ANKRD26: variants seen among roughly 807,000 people sequenced by gnomAD.
The protein encoded by ANKRD26 is ankyrin repeat domain 26.
Under a neutral mutation model 208.7 loss-of-function variants are expected in ANKRD26, and 141 were observed. The observed-to-expected ratio is 0.68, with a 90% CI of 0.59 to 0.78. ANKRD26 has a LOEUF of 0.78. Ranked by LOEUF, ANKRD26 falls within the 30% of genes least tolerant of loss-of-function variation. The pLI, the probability that ANKRD26 is intolerant of heterozygous loss-of-function variation, is 0.00. For missense variants in ANKRD26, 1,889 were observed against 1,938.7 expected (o/e 0.97, Z 0.48); for synonymous variants, 636 against 660.4 (o/e 0.96, Z 0.57).
At chr10:27,033,062 A>G (rs2053928881) in intron 25 of ANKRD26, among the ~76,000 whole-genome samples, 163 bp downstream of exon 25, 2 of 151,464 alleles carry the variant, frequency 1.3e-5, no homozygotes, top group Admixed American at 6.6e-5. Flanking sequence ...CAGCCTGGGC[A>G]ATAGAACGAG....
At chr10:27,010,334 T>C (rs7919621) in intron 32 of ANKRD26, among the ~76,000 whole-genome samples, 74,653 of 151,990 alleles carry the variant, frequency 0.49, 20,386 homozygotes, top group Non-Finnish European at 0.62. Context: ...CCCAAAAAAA[T>C]CAATTAAGGA....
chr10:27,005,843 C>T lies in ANKRD26; in HGVS notation c.5000-120G>A, dbSNP rs540682248. 24 of 1,246,866 alleles carry T rather than the reference C, an allele frequency of 1.9e-5. No individual in the cohort carries two copies. The South Asian group carries it at 3.9e-4, about 20-fold the overall frequency. 77.2% of individuals were successfully genotyped at this position (1,246,866 alleles called of 1,614,324 possible). A position where few individuals can be genotyped will look rare whatever the true frequency, so the allele number is the denominator to read the frequency against. On this transcript the variant is annotated intron_variant, in intron 33 of 33. Coordinates refer to ENST00000376087, the MANE Select transcript of ANKRD26 (RefSeq NM_014915.3). ...TTAATAAGAAAGAAAAATATGTATG[C>T]ACAACTATTATACAATATTACTATT...
chr10:26,987,789 G>A (rs2052415186), downstream of ANKRD26, among the ~76,000 whole-genome samples: 1 of 152,138 alleles, frequency 6.6e-6, no homozygotes, highest in Non-Finnish European at 1.5e-5. Context: ...GTTTAGAAGG[G>A]TCTCAAGAGA....
the ANKRD26 span, among the ~76,000 whole-genome samples, chr10:26,957,168 G>A: frequency 1.3e-5 from 2 of 152,178 alleles, no homozygotes; most frequent in South Asian, 4.1e-4. Context: ...AGCATTTTGT[G>A]AGGCAGAGGC....
chr10:27,082,701 T>C (rs770219748), intron 6 of ANKRD26, 102 bp downstream of exon 6: 49 of 1,454,574 alleles, frequency 3.4e-5, no homozygotes, highest in Non-Finnish European at 4.3e-5. Flanking sequence ...GACGACTATA[T>C]GGAGAAGCAC....
chr10:26,975,842 AAAATAAATAAATAAATAATAAAT>A lies in ANKRD26; in HGVS notation c.*459_*481del, dbSNP rs1417367981. ...GGGTGACAGAGTGAGTATCCACCTTAAAATAAATAAATAAATAATAAATAAATAAATAAATAATAAATAAATGA... is the reference window on the plus strand; with the variant it reads ...GGGTGACAGAGTGAGTATCCACCTTAAAATAAATAAATAATAAATAAATGA... On this transcript the variant is annotated 3_prime_UTR_variant and NMD_transcript_variant, in exon 6 of 6. Transcript: ENST00000674670. 4.5e-4 allele frequency among the ~76,000 whole-genome samples: 69 copies of A among 151,676 alleles called. No individual in the cohort carries two copies. The East Asian group carries it at 0.011, about 24-fold the overall frequency.
chr10:26,991,023 A>G (rs575388424), downstream of ANKRD26, among the ~76,000 whole-genome samples: 43 of 152,340 alleles, frequency 2.8e-4, no homozygotes, highest in African/African-American at 1.0e-3. Context: ...GACTTCCTTG[A>G]TGGAAGCCAG....
intron 12 of ANKRD26, among the ~76,000 whole-genome samples, chr10:27,061,559 ATTTTTTT>A (rs11399797): frequency 3.7e-5 from 5 of 134,232 alleles, no homozygotes; most frequent in Non-Finnish European, 7.8e-5. Flanking sequence ...TGCAACATCT[ATTTTTTT>A]TTTTTTTTTT....
the ANKRD26 span, among the ~76,000 whole-genome samples, chr10:26,955,765 C>T: frequency 2.6e-5 from 4 of 152,280 alleles, no homozygotes; most frequent in African/African-American, 9.6e-5. Context: ...GTGTATGCAA[C>T]AAGTGAGAAC....
the ANKRD26 span, among the ~76,000 whole-genome samples, chr10:26,948,602 T>A: frequency 6.6e-6 from 1 of 152,248 alleles, no homozygotes; most frequent in Non-Finnish European, 1.5e-5. Flanking sequence ...AATATCTTTA[T>A]GATCATTTTT....
At chr10:27,068,761 TA>T (rs2055362109) in intron 9 of ANKRD26, among the ~76,000 whole-genome samples, 1 of 150,530 alleles carries the variant, frequency 6.6e-6, no homozygotes, top group Non-Finnish European at 1.5e-5. Context: ...TAAACATAGA[TA>T]AACATGGGGG....
chr10:26,958,774 C>T, the ANKRD26 span, among the ~76,000 whole-genome samples: 10 of 152,084 alleles, frequency 6.6e-5, no homozygotes, highest in African/African-American at 1.9e-4. Context: ...TGAACATACA[C>T]GTCTATGTCT....
intron 32 of ANKRD26, 36 bp downstream of exon 32, chr10:27,012,846 T>C: frequency 6.3e-7 from 1 of 1,578,592 alleles, no homozygotes; most frequent in Middle Eastern, 1.7e-4. Flanking sequence ...ACATGAGAAA[T>C]TTGAAACCCA....
chr10:27,098,609 C>T (rs1482314978), intron 1 of ANKRD26, among the ~76,000 whole-genome samples: 5 of 148,786 alleles, frequency 3.4e-5, no homozygotes, highest in African/African-American at 1.2e-4. Flanking sequence ...AGTGCAGTGG[C>T]GTGATCTCCG....
chr10:27,039,828 T>A, intron 21 of ANKRD26, 137 bp downstream of exon 21: 1 of 715,378 alleles, frequency 1.4e-6, no homozygotes, highest in Non-Finnish European at 2.4e-6. Context: ...TTATATTATT[T>A]CCAAGAATTT....
At chr10:27,038,893 C>A (rs1412530518) in intron 21 of ANKRD26, among the ~76,000 whole-genome samples, 1 of 152,054 alleles carries the variant, frequency 6.6e-6, no homozygotes, top group Non-Finnish European at 1.5e-5. Flanking sequence ...GGCTAACGAG[C>A]CTAATACTGG....
At chr10:27,082,487 G>A (rs771436797) in intron 6 of ANKRD26, among the ~76,000 whole-genome samples, 1 of 152,140 alleles carries the variant, frequency 6.6e-6, no homozygotes, top group Non-Finnish European at 1.5e-5. Flanking sequence ...GATCTGATTT[G>A]GACCTGTACC....
intron 9 of ANKRD26, among the ~76,000 whole-genome samples, chr10:27,072,627 C>T (rs919645687): frequency 3.3e-5 from 5 of 152,174 alleles, no homozygotes; most frequent in Admixed American, 1.3e-4. Context: ...CTGCAACTGG[C>T]GCTCTTTTGC....
At chr10:27,006,006 G>A (rs1016692440) in intron 33 of ANKRD26, among the ~76,000 whole-genome samples, 2 of 152,074 alleles carry the variant, frequency 1.3e-5, no homozygotes, top group African/African-American at 4.8e-5. Flanking sequence ...AGATGAAGAT[G>A]ATATGATCCA....
Sources: gnomAD v4.1 joint callset for allele counts (sites outside exome capture counted in the v4.1 genomes callset) on GRCh38, gnomAD v4.1.1 for gene constraint, MANE v1.5 for transcripts, NCBI Gene and HGNC (gene_info 2026-07-23, HGNC 2026-07-21) for gene names.